KCNH7: variants seen among roughly 807,000 people sequenced by gnomAD.
KCNH7 encodes the protein potassium voltage-gated channel subfamily H member 7.
KCNH7 carries 49 observed loss-of-function variants against 120.8 expected under a neutral mutation model. That is an observed-to-expected ratio of 0.41 (90% CI 0.32 to 0.51). The LOEUF (loss-of-function observed/expected upper bound fraction) is 0.51. Ranked by LOEUF, KCNH7 falls within the 20% of genes least tolerant of loss-of-function variation. The probability of loss-of-function intolerance (pLI) is 0.38; values close to 1 mark genes in which losing one functional copy is unlikely to be tolerated. For missense variants in KCNH7, 1,097 were observed against 1,446.6 expected, an observed-to-expected ratio of 0.76 and a Z score of 3.92; for synonymous variants, 547 against 516.1, an observed-to-expected ratio of 1.06 and a Z score of -0.81.
chr2:162,557,412 C>T (rs1692894395), intron 2 of KCNH7, among the ~76,000 whole-genome samples: 1 of 152,176 alleles, frequency 6.6e-6, no homozygotes, highest in Admixed American at 6.5e-5. Context: ...CACAGCATCA[C>T]TTCTTCCATA....
chr2:162,637,069 C>A (rs1204729945), intron 2 of KCNH7, among the ~76,000 whole-genome samples: 1 of 152,080 alleles, frequency 6.6e-6, no homozygotes. Context: ...TTCTTCTTTA[C>A]TCCTCACAAT....
intron 6 of KCNH7, among the ~76,000 whole-genome samples, chr2:162,453,315 A>G (rs976759956): frequency 6.6e-6 from 1 of 152,172 alleles, no homozygotes; most frequent in Non-Finnish European, 1.5e-5. Flanking sequence ...ATGGCTGCAT[A>G]GTATTCCATG....
chr2:162,439,393 G>A (rs1688352537), intron 7 of KCNH7, among the ~76,000 whole-genome samples: 1 of 152,006 alleles, frequency 6.6e-6, no homozygotes, highest in Non-Finnish European at 1.5e-5. Flanking sequence ...AAACAGGTGA[G>A]TCATTTTGCA....
chr2:162,590,234 C>T (rs776738118), intron 2 of KCNH7, among the ~76,000 whole-genome samples: 1 of 151,952 alleles, frequency 6.6e-6, no homozygotes, highest in Non-Finnish European at 1.5e-5. Context: ...TTAGAAAGTT[C>T]CCAACCACAG....
chr2:162,496,953 C>T (rs1690517358), intron 6 of KCNH7: 1 of 151,994 alleles, frequency 6.6e-6, no homozygotes. Flanking sequence ...GCCATACCAC[C>T]CTGAGTACAT....
intron 2 of KCNH7, among the ~76,000 whole-genome samples, chr2:162,592,935 T>A (rs1358146774): frequency 6.6e-6 from 1 of 152,104 alleles, no homozygotes; most frequent in African/African-American, 2.4e-5. Flanking sequence ...TGCAGCCTAT[T>A]TCTATTTTCT....
intron 2 of KCNH7, among the ~76,000 whole-genome samples, chr2:162,596,798 C>A (rs1056023662): frequency 3.3e-5 from 5 of 152,008 alleles, no homozygotes; most frequent in Non-Finnish European, 1.5e-5. Context: ...TATTTGCAAA[C>A]TGTCCATCTG....
At chr2:162,694,297 A>C (rs922050544) in intron 2 of KCNH7, among the ~76,000 whole-genome samples, 3 of 152,164 alleles carry the variant, frequency 2.0e-5, no homozygotes, top group Non-Finnish European at 4.4e-5. Flanking sequence ...GCCATTGAGA[A>C]AGATATCTGT....
intron 2 of KCNH7, among the ~76,000 whole-genome samples, chr2:162,742,075 G>C (rs1008879817): frequency 6.6e-6 from 1 of 152,114 alleles, no homozygotes; most frequent in African/African-American, 2.4e-5. Context: ...TACAAATTAA[G>C]ACATCAAAAG....
chr2:162,461,905 T>G (rs1420301683), intron 6 of KCNH7, among the ~76,000 whole-genome samples: 1 of 152,152 alleles, frequency 6.6e-6, no homozygotes, highest in Non-Finnish European at 1.5e-5. Context: ...GGACAGAGAT[T>G]GCATGACTTT....
intron 6 of KCNH7, among the ~76,000 whole-genome samples, chr2:162,496,523 C>T (rs555245199): frequency 3.1e-4 from 47 of 152,168 alleles, no homozygotes; most frequent in South Asian, 2.3e-3. Context: ...ACTGGGAACC[C>T]GCTTTCAGAG....
intron 2 of KCNH7, among the ~76,000 whole-genome samples, chr2:162,808,640 C>T (rs962566453): frequency 1.3e-4 from 20 of 152,172 alleles, no homozygotes; most frequent in African/African-American, 4.8e-4. Flanking sequence ...AAATATGAAT[C>T]ACCATCTTGA....
intron 9 of KCNH7, among the ~76,000 whole-genome samples, chr2:162,415,494 T>C (rs1456096977): frequency 6.6e-6 from 1 of 152,144 alleles, no homozygotes; most frequent in African/African-American, 2.4e-5. Context: ...AAAGTACTTT[T>C]TAATCACTGT....
At chr2:162,490,353 A>T (rs1558973871) in intron 6 of KCNH7, among the ~76,000 whole-genome samples, 1 of 152,136 alleles carries the variant, frequency 6.6e-6, no homozygotes, top group Non-Finnish European at 1.5e-5. Flanking sequence ...GCAACCAGGA[A>T]CCTACTTTCA....
chr2:162,386,236 A>G (rs1446227025), intron 12 of KCNH7, among the ~76,000 whole-genome samples: 2 of 151,770 alleles, frequency 1.3e-5, no homozygotes. Flanking sequence ...TTCGGATCAA[A>G]TCTTCTTACA....
At chr2:162,623,048 T>C (rs1353070637) in intron 2 of KCNH7, among the ~76,000 whole-genome samples, 1 of 152,130 alleles carries the variant, frequency 6.6e-6, no homozygotes, top group Non-Finnish European at 1.5e-5. Flanking sequence ...ATGGTTGAGA[T>C]GGGTAGAATT....
chr2:162,711,247 A>G (rs1686920151), intron 2 of KCNH7, among the ~76,000 whole-genome samples: 1 of 152,224 alleles, frequency 6.6e-6, no homozygotes, highest in Admixed American at 6.5e-5. Context: ...TCTAGATGTT[A>G]TCATCCGGCC....
chr2:162,394,761 G>C (rs182277748), intron 11 of KCNH7, among the ~76,000 whole-genome samples: 22 of 151,960 alleles, frequency 1.4e-4, no homozygotes, highest in African/African-American at 5.1e-4. Flanking sequence ...AACATTTAAA[G>C]ATAAAATATT....
chr2:162,659,343 C>CTT (rs35576044), intron 2 of KCNH7, among the ~76,000 whole-genome samples: 35 of 138,392 alleles, frequency 2.5e-4, no homozygotes, highest in East Asian at 2.1e-3. Flanking sequence ...GCATATAATT[C>CTT]TTTTTTTTTT....
Sources: allele counts gnomAD v4.1 joint callset (sites outside exome capture counted in the v4.1 genomes callset), GRCh38; gene constraint gnomAD v4.1.1; transcripts MANE v1.5; gene names NCBI Gene and HGNC (gene_info 2026-07-23, HGNC 2026-07-21).